DKK3: variants seen among roughly 807,000 people sequenced by gnomAD.
DKK3 encodes dickkopf Wnt signaling pathway inhibitor 3.
Under a neutral mutation model 33.2 loss-of-function variants are expected in DKK3, and 22 were observed. That is an observed-to-expected ratio of 0.66 (90% CI 0.47 to 0.95). The LOEUF (loss-of-function observed/expected upper bound fraction) is 0.95. Among genes scored for constraint, DKK3 ranks in the 40% least tolerant of loss-of-function variants. The pLI is 0.00. For synonymous variants in DKK3, 194 were observed against 188.8 expected (o/e 1.03, Z -0.23); for missense variants, 398 against 458.4 (o/e 0.87, Z 1.20).
At chr11:11,998,460 T>C in intron 3 of DKK3, 1 of 598,034 alleles carries the variant, frequency 1.7e-6, no homozygotes, top group Non-Finnish European at 3.0e-6. Context: ...GCCATGCAAA[T>C]GACCACTCAA....
intron 3 of DKK3, among the ~76,000 whole-genome samples, chr11:11,992,463 T>C (rs1352831849): frequency 2.0e-5 from 3 of 152,208 alleles, no homozygotes; most frequent in Non-Finnish European, 4.4e-5. Context: ...GTGGAGGCAG[T>C]AGCCTGCATG....
chr11:12,001,099 C>T (rs1006935296), intron 2 of DKK3, among the ~76,000 whole-genome samples: 3 of 152,182 alleles, frequency 2.0e-5, no homozygotes, highest in Non-Finnish European at 4.4e-5. Flanking sequence ...GGTATTCTGA[C>T]ATTTACAAGA....
chr11:11,965,172 T>G, intron 6 of DKK3, among the ~76,000 whole-genome samples: 1 of 152,170 alleles, frequency 6.6e-6, no homozygotes, highest in East Asian at 1.9e-4. Flanking sequence ...CCCAGGCTGG[T>G]CTTGAACTCT....
chr11:11,971,515 G>C (rs1175042153), intron 3 of DKK3, among the ~76,000 whole-genome samples: 1 of 152,150 alleles, frequency 6.6e-6, no homozygotes, highest in Non-Finnish European at 1.5e-5. Flanking sequence ...GTGGCAAACA[G>C]GCCAACAAAA....
At chr11:11,969,107 T>A (rs1297385697) in intron 3 of DKK3, among the ~76,000 whole-genome samples, 1 of 152,030 alleles carries the variant, frequency 6.6e-6, no homozygotes, top group African/African-American at 2.4e-5. Context: ...GGCTGCCAGC[T>A]CTGCCTGGCT....
chr11:11,993,875 C>T (rs1050752840), intron 3 of DKK3, among the ~76,000 whole-genome samples: 4 of 152,168 alleles, frequency 2.6e-5, no homozygotes, highest in African/African-American at 7.2e-5. Flanking sequence ...CTTGGGGCCC[C>T]AACTTGGAAC....
At chr11:11,995,461 C>T (rs1848272603) in intron 3 of DKK3, among the ~76,000 whole-genome samples, 1 of 152,086 alleles carries the variant, frequency 6.6e-6, no homozygotes, top group African/African-American at 2.4e-5. Flanking sequence ...GTGTGTTCAC[C>T]TAGATACAAA....
At chr11:11,993,618 T>G (rs1848230877) in intron 3 of DKK3, among the ~76,000 whole-genome samples, 1 of 152,218 alleles carries the variant, frequency 6.6e-6, no homozygotes, top group Non-Finnish European at 1.5e-5. Context: ...ATTTACCCAT[T>G]TCTCAGAATG....
intron 2 of DKK3, among the ~76,000 whole-genome samples, chr11:11,999,790 A>G (rs1848384746): frequency 6.6e-6 from 1 of 152,206 alleles, no homozygotes; most frequent in Admixed American, 6.5e-5. Flanking sequence ...AAATTTTCTC[A>G]CTTCTACATC....
chr11:12,009,171 C>A (rs891504856), upstream of DKK3: 60 of 985,510 alleles, frequency 6.1e-5, no homozygotes, highest in African/African-American at 9.2e-4. Flanking sequence ...CCCTCACCCA[C>A]CCCGACTGGA....
At position 11,964,474 on chromosome 11, in the gene DKK3, TC is replaced by T; in HGVS notation, c.1042del (p.Glu348LysfsTer11). ...AAAAAALLGG[E>X]EI ...CAGCCTGGTCCAGATCTAAATCTCT[TC>T]CCCTCCCAGCAGTGCAGCGGCGGCA... is the stretch of plus-strand genomic sequence containing the variant. On this transcript the variant is annotated frameshift_variant, in exon 7 of 7. Coordinates refer to ENST00000683431, the MANE Select transcript of DKK3 (RefSeq NM_001018057.2). LOFTEE classifies it high-confidence loss of function. 1 of 1,611,616 alleles carries T rather than the reference TC, an allele frequency of 6.2e-7. No homozygotes were observed. Among genetic ancestry groups the T allele is most frequent in the Non-Finnish European group, 8.5e-7 (1 of 1,179,938 alleles).
At chr11:11,993,565 A>G (rs6485351) in intron 3 of DKK3, among the ~76,000 whole-genome samples, 71,823 of 151,912 alleles carry the variant, frequency 0.47, 17,322 homozygotes, top group African/African-American at 0.51. Flanking sequence ...TGCCTACCCC[A>G]TAAAAATTGC....
rs926553785 is a variant in DKK3 at position 12,008,177 on chromosome 11, G to A, written c.213+193C>T. On this transcript the variant is annotated intron_variant, in intron 1 of 6. Transcript: ENST00000683431. This position sits in a 1 kb window ranked among gnomAD's most constrained non-coding sequence, Gnocchi z 4.6. ...GACAGGCTCAGATCCAGACTTTTTG[G>A]CAAGGAGGCAAAACGAGGCGGGAGT... Among the ~76,000 whole-genome samples, 2 of 152,062 alleles carry A rather than the reference G, an allele frequency of 1.3e-5. No homozygotes were observed. Among genetic ancestry groups the A allele is most frequent in the African/African-American group, 4.8e-5 (2 of 41,422 alleles).
chr11:12,008,386 C>T lies in DKK3; in HGVS notation c.197G>A (p.Arg66His), dbSNP rs552396948. The change falls in exon 1 of 7, where the codon CGC becomes CAC. Residue 66 changes from arginine to histidine, a missense_variant. By Grantham distance (29) the Arg-to-His change is conservative (BLOSUM62 0). Coordinates refer to ENST00000683431, the MANE Select transcript of DKK3 (RefSeq NM_001018057.2). This position sits in a 1 kb window ranked among gnomAD's most constrained non-coding sequence, Gnocchi z 4.6. ...CGCACCCACCTCTTCCACCGCGCTG[C>T]GCAATTTGTGCTGCGTGTCCTCCAT... The part of the protein sequence containing the change: ...ELMEDTQHKL[R>H]SAVEEMEAEE... 44 of 1,606,674 alleles carry T rather than the reference C, an allele frequency of 2.7e-5. No homozygotes were observed. In the Middle Eastern group the frequency reaches 1.2e-3, roughly 42 times the overall value.
chr11:11,996,301 T>A (rs902929838), intron 3 of DKK3, among the ~76,000 whole-genome samples: 1 of 152,226 alleles, frequency 6.6e-6, no homozygotes, highest in Non-Finnish European at 1.5e-5. Context: ...CTAGTCTTTA[T>A]CGCTTTCTAT....
At chr11:11,974,938 C>T (rs900893448) in intron 3 of DKK3, among the ~76,000 whole-genome samples, 15 of 152,082 alleles carry the variant, frequency 9.9e-5, no homozygotes, top group African/African-American at 3.4e-4. Flanking sequence ...ACGAACTGAC[C>T]AGTAGATGAA....
chr11:11,982,158 G>A (rs1847968105), intron 3 of DKK3, among the ~76,000 whole-genome samples: 3 of 152,176 alleles, frequency 2.0e-5, no homozygotes, highest in African/African-American at 7.2e-5. Context: ...AGTGCTGTGG[G>A]CGCTCCAGGG....
Position 11,971,728 on chromosome 11 carries a change from GACGGGTGCATTTTCATCCTTAGGA to G in DKK3, c.436-3265_436-3242del, listed in dbSNP as rs1847729213. Among the ~76,000 whole-genome samples the G allele has an allele frequency of 2.0e-5, 3 of 152,242 alleles. No homozygotes were observed. In the South Asian group the frequency reaches 6.2e-4, roughly 32 times the overall value. On this transcript the variant is annotated intron_variant, in intron 3 of 6. Transcript: ENST00000683431. The stretch of plus-strand genomic sequence containing the variant: ...CCTGCTGTTTACAATTATCCATCAA[GACGGGTGCATTTTCATCCTTAGGA>G]ATATCTTCCTTTCCCTAAACAGGCT...
intron 1 of DKK3, among the ~76,000 whole-genome samples, chr11:12,004,674 G>A (rs1848501036): frequency 6.6e-6 from 1 of 152,214 alleles, no homozygotes; most frequent in Non-Finnish European, 1.5e-5. Flanking sequence ...TTGTAAAATA[G>A]GGATGTCCTA....
Sources: gnomAD v4.1 joint callset for allele counts (sites outside exome capture counted in the v4.1 genomes callset) on GRCh38, gnomAD v4.1.1 for gene constraint, Gnocchi (gnomAD v3.1) non-coding constraint, MANE v1.5 for transcripts, NCBI Gene and HGNC (gene_info 2026-07-23, HGNC 2026-07-21) for gene names.